The following FAM184A variants were observed in gnomAD, a reference collection of about 807,000 sequenced individuals.
The protein encoded by FAM184A is family with sequence similarity 184 member A, also known as protein FAM184A.
A neutral mutation model predicts 143.8 loss-of-function variants in FAM184A; 99 were observed. That is an observed-to-expected ratio of 0.69 (90% CI 0.58 to 0.81). The LOEUF (loss-of-function observed/expected upper bound fraction) is 0.81. Among genes scored for constraint, FAM184A ranks in the 40% least tolerant of loss-of-function variants. The pLI, the probability that FAM184A is intolerant of heterozygous loss-of-function variation, is 0.00. For synonymous variants in FAM184A, 427 were observed against 446.4 expected, an observed-to-expected ratio of 0.96 and a Z score of 0.55; for missense variants, 1,217 against 1,310.5, an observed-to-expected ratio of 0.93 and a Z score of 1.10.
chr6:118,991,780 T>TTTTTTA (rs1784386784), intron 9 of FAM184A, among the ~76,000 whole-genome samples: 1 of 85,662 alleles, frequency 1.2e-5, no homozygotes, highest in Non-Finnish European at 2.4e-5. Context: ...TTTTTTTTTT[T>TTTTTTA]GAGACAGAGT....
At chr6:119,136,044 C>T (rs1232547274) in intron 1 of FAM184A, among the ~76,000 whole-genome samples, 2 of 148,676 alleles carry the variant, frequency 1.3e-5, no homozygotes, top group Non-Finnish European at 3.0e-5. Context: ...TTTGGGAGGC[C>T]GAGGCGGGTG....
At chr6:119,134,433 C>G (rs781333318) in intron 1 of FAM184A, among the ~76,000 whole-genome samples, 1 of 151,880 alleles carries the variant, frequency 6.6e-6, no homozygotes, top group African/African-American at 2.4e-5. Flanking sequence ...GAGAGGATTG[C>G]TTGAGTCCCG....
chr6:119,006,492 A>G lies in FAM184A; in HGVS notation c.1770T>C (p.Thr590=). The G allele has an allele frequency of 1.9e-6, 3 of 1,614,060 alleles. No individual in the cohort carries two copies. Among genetic ancestry groups the G allele is most frequent in the Non-Finnish European group, 2.5e-6 (3 of 1,179,976 alleles). The change falls in exon 7 of 18, where the codon ACT becomes ACC. Residue 590 remains threonine (T), a synonymous_variant. Coordinates refer to ENST00000338891, the MANE Select transcript of FAM184A (RefSeq NM_024581.6). ...CCTTGGTCTCCTTTAGGCTGTCTTTAGTCAAGTCAAGCTCATTCTGAAGCC... is the reference window on the plus strand; with the variant it reads ...CCTTGGTCTCCTTTAGGCTGTCTTTGGTCAAGTCAAGCTCATTCTGAAGCC... ...QERLQNELDL[T]KDSLKETKDA... is the part of the protein sequence containing the mutation.
chr6:119,032,260 A>G (rs1192517290), intron 1 of FAM184A, among the ~76,000 whole-genome samples: 1 of 151,448 alleles, frequency 6.6e-6, no homozygotes. Flanking sequence ...CAACAAAGTA[A>G]CTCTGTCTCA....
chr6:119,140,183 G>C (rs1772173833), intron 1 of FAM184A, among the ~76,000 whole-genome samples: 1 of 152,230 alleles, frequency 6.6e-6, no homozygotes, highest in South Asian at 2.1e-4. Context: ...CATCCAGGAG[G>C]AAAATGGTGC....
chr6:119,037,664 T>C (rs1786162773), intron 1 of FAM184A, among the ~76,000 whole-genome samples: 1 of 152,242 alleles, frequency 6.6e-6, no homozygotes, highest in Non-Finnish European at 1.5e-5. Context: ...AGGTTAATTG[T>C]GGTAGTATAA....
At chr6:119,143,859 G>A (rs1323389899) in intron 1 of FAM184A, among the ~76,000 whole-genome samples, 1 of 152,176 alleles carries the variant, frequency 6.6e-6, no homozygotes, top group Non-Finnish European at 1.5e-5. Flanking sequence ...CAATGCCAGT[G>A]TAGTTAACAA....
At chr6:119,006,055 A>C (rs770389746) in intron 7 of FAM184A, 22 of 763,918 alleles carry the variant, frequency 2.9e-5, no homozygotes, top group African/African-American at 2.5e-4. Flanking sequence ...AGTTAAGATG[A>C]TGTCAAACTG....
intron 1 of FAM184A, among the ~76,000 whole-genome samples, chr6:119,121,337 A>G (rs1354990748): frequency 6.6e-6 from 1 of 151,812 alleles, no homozygotes; most frequent in African/African-American, 2.4e-5. Context: ...GGGTTTTGCC[A>G]TGTTGCCCAG....
At chr6:119,059,872 C>T (rs1402559050) in intron 1 of FAM184A, among the ~76,000 whole-genome samples, 2 of 152,066 alleles carry the variant, frequency 1.3e-5, no homozygotes, top group African/African-American at 4.8e-5. Flanking sequence ...GCCAGAAAAG[C>T]ACATTTTAAT....
intron 1 of FAM184A, among the ~76,000 whole-genome samples, chr6:119,117,823 G>A (rs1486492826): frequency 2.0e-5 from 3 of 152,134 alleles, no homozygotes; most frequent in Admixed American, 2.0e-4. Flanking sequence ...GTTTAGCTAG[G>A]TGTGTGGAGT....
intron 1 of FAM184A, among the ~76,000 whole-genome samples, chr6:119,068,024 C>T (rs1029904094): frequency 2.1e-5 from 3 of 142,516 alleles, no homozygotes; most frequent in African/African-American, 7.8e-5. Flanking sequence ...TAAAAACCTA[C>T]TTTATTGTTT....
intron 9 of FAM184A, among the ~76,000 whole-genome samples, chr6:118,992,920 A>G (rs1422373926): frequency 6.6e-6 from 1 of 152,110 alleles, no homozygotes; most frequent in Non-Finnish European, 1.5e-5. Context: ...ACACAGCAAG[A>G]CCCTATCTCA....
Position 118,971,326 on chromosome 6 carries a change from G to A in FAM184A, c.2915+3102C>T, listed in dbSNP as rs150183383. Reference sequence around the variant, plus strand: ...AAAAAATTAGTAATTCAGGTGTGGCGGAGTGCTTCTTTTCAATTGGGGATT... The same window carrying A: ...AAAAAATTAGTAATTCAGGTGTGGCAGAGTGCTTCTTTTCAATTGGGGATT... On this transcript the variant is annotated intron_variant, in intron 14 of 17. Coordinates refer to ENST00000338891, the MANE Select transcript of FAM184A (RefSeq NM_024581.6). Among the ~76,000 whole-genome samples, 26 of 152,262 alleles carry A rather than the reference G, an allele frequency of 1.7e-4. No homozygotes were observed. The East Asian group carries it at 4.8e-3, about 28-fold the overall frequency.
chr6:119,115,846 G>C (rs995634901), intron 1 of FAM184A, among the ~76,000 whole-genome samples: 4 of 151,972 alleles, frequency 2.6e-5, no homozygotes, highest in African/African-American at 9.7e-5. Flanking sequence ...GCACACGCTT[G>C]TAGTCCCAGC....
At chr6:119,108,602 G>A (rs1222892785) in intron 1 of FAM184A, among the ~76,000 whole-genome samples, 1 of 151,972 alleles carries the variant, frequency 6.6e-6, no homozygotes, top group Non-Finnish European at 1.5e-5. Flanking sequence ...TCTTCAAATT[G>A]CAGGGAGTGC....
intron 4 of FAM184A, among the ~76,000 whole-genome samples, chr6:119,017,686 A>G (rs528377888): frequency 2.6e-5 from 4 of 152,194 alleles, no homozygotes; most frequent in Non-Finnish European, 5.9e-5. Context: ...TATAAGTTCT[A>G]TGAAAAAGGG....
intron 1 of FAM184A, among the ~76,000 whole-genome samples, chr6:119,128,603 G>A (rs1789437857): frequency 6.6e-6 from 1 of 152,014 alleles, no homozygotes; most frequent in South Asian, 2.1e-4. Flanking sequence ...TGTCTAGAGA[G>A]GGAGGGAATA....
At chr6:119,070,475 T>C (rs1405365275) in intron 1 of FAM184A, among the ~76,000 whole-genome samples, 1 of 152,160 alleles carries the variant, frequency 6.6e-6, no homozygotes, top group Non-Finnish European at 1.5e-5. Flanking sequence ...TTCCAATATT[T>C]TGAAGGACCA....
Sources: gnomAD v4.1 joint callset for allele counts (sites outside exome capture counted in the v4.1 genomes callset) on GRCh38, gnomAD v4.1.1 for gene constraint, MANE v1.5 for transcripts, NCBI Gene and HGNC (gene_info 2026-07-23, HGNC 2026-07-21) for gene names.